LRCH1: variants seen among roughly 807,000 people sequenced by gnomAD.
LRCH1 encodes leucine-rich repeat and calponin homology domain-containing protein 1.
A neutral mutation model predicts 94.9 loss-of-function variants in LRCH1; 23 were observed. The observed-to-expected ratio is 0.24, with a 90% CI of 0.17 to 0.34. The LOEUF is 0.34. Ranked by LOEUF, LRCH1 falls within the 10% of genes least tolerant of loss-of-function variation. The pLI is 1.00. For missense variants in LRCH1, 790 were observed against 945.9 expected, an observed-to-expected ratio of 0.84 and a Z score of 2.16; for synonymous variants, 364 against 354.9, an observed-to-expected ratio of 1.03 and a Z score of -0.29.
chr13:46,689,541 C>A (rs842373), intron 7 of LRCH1, among the ~76,000 whole-genome samples: 112,925 of 152,064 alleles, frequency 0.74, 42,066 homozygotes, highest in East Asian at 0.85. Context: ...CACTTTTATA[C>A]ATACGCTTAT....
Position 46,553,379 on chromosome 13 carries a change from G to A in LRCH1, c.-18G>A, listed in dbSNP as rs777113262. 114 of 1,514,202 alleles carry A rather than the reference G, an allele frequency of 7.5e-5. No homozygotes were observed. Among genetic ancestry groups the A allele is most frequent in the Non-Finnish European group, 9.7e-5 (110 of 1,133,524 alleles). The allele number at this position is 1,514,202 out of a possible 1,614,324, so 93.8% of individuals were successfully genotyped here. A position where few individuals can be genotyped will look rare whatever the true frequency, so the allele number is the denominator to read the frequency against. Reference sequence around the variant, plus strand: ...CCCCGCAGGAGCGGCGGGGCGGGGTGGGGGGGCCCGGGAGAAGATGGCGAC... The same window carrying A: ...CCCCGCAGGAGCGGCGGGGCGGGGTAGGGGGGCCCGGGAGAAGATGGCGAC... On this transcript the variant is annotated 5_prime_UTR_variant, in exon 1 of 20. Transcript: ENST00000389797.
intron 6 of LRCH1, among the ~76,000 whole-genome samples, chr13:46,688,630 T>C (rs1870741289): frequency 1.3e-5 from 2 of 152,220 alleles, no homozygotes; most frequent in Admixed American, 1.3e-4. Flanking sequence ...TTTTGCTACA[T>C]AAGTAAATTT....
At chr13:46,604,710 G>A (rs1261947261) in intron 1 of LRCH1, among the ~76,000 whole-genome samples, 1 of 152,058 alleles carries the variant, frequency 6.6e-6, no homozygotes, top group Admixed American at 6.5e-5. Flanking sequence ...AAATGTGACA[G>A]GTATTTATGA....
intron 1 of LRCH1, among the ~76,000 whole-genome samples, chr13:46,560,788 A>C (rs577289163): frequency 6.6e-6 from 1 of 152,256 alleles, no homozygotes; most frequent in Admixed American, 6.5e-5. Flanking sequence ...AGGCATTCTA[A>C]TATAGACTCA....
intron 1 of LRCH1, among the ~76,000 whole-genome samples, chr13:46,564,279 G>A (rs1368323297): frequency 6.6e-6 from 1 of 152,284 alleles, no homozygotes; most frequent in South Asian, 2.1e-4. Flanking sequence ...TAAAAACAAG[G>A]TGGTAACCTG....
chr13:46,666,635 A>C (rs191188938), intron 2 of LRCH1, among the ~76,000 whole-genome samples: 7 of 152,386 alleles, frequency 4.6e-5, no homozygotes, highest in Non-Finnish European at 8.8e-5. Context: ...GTATGGCTCC[A>C]AATAAATAGA....
At chr13:46,596,728 A>G (rs897170066) in intron 1 of LRCH1, among the ~76,000 whole-genome samples, 9 of 152,218 alleles carry the variant, frequency 5.9e-5, no homozygotes, top group Admixed American at 3.3e-4. Flanking sequence ...GTAGAGGAAC[A>G]GCTTGCGATT....
intron 1 of LRCH1, among the ~76,000 whole-genome samples, chr13:46,624,783 CTG>C (rs2050924880): frequency 6.6e-6 from 1 of 152,210 alleles, no homozygotes; most frequent in African/African-American, 2.4e-5. Flanking sequence ...GAGAAAATCT[CTG>C]TATTGTGAGC....
exon 19 of LRCH1, chr13:46,750,827 C>T (rs890896606): frequency 5.6e-5 from 27 of 485,134 alleles, no homozygotes; most frequent in African/African-American, 2.0e-4. Context: ...AGCTGACCTC[C>T]GACTTTAAGA....
intron 18 of LRCH1, 51 bp downstream of exon 18, chr13:46,729,035 G>T (rs750284286): frequency 9.7e-6 from 15 of 1,549,516 alleles, no homozygotes; most frequent in South Asian, 2.5e-5. Flanking sequence ...CCTTTAGGGG[G>T]CACTGTTGTT....
chr13:46,635,239 C>A (rs747781831), intron 1 of LRCH1, among the ~76,000 whole-genome samples: 1 of 152,226 alleles, frequency 6.6e-6, no homozygotes, highest in Admixed American at 6.5e-5. Flanking sequence ...TTCCCGCAGT[C>A]TGTTCACTGC....
At chr13:46,593,979 C>A (rs1485392180) in intron 1 of LRCH1, among the ~76,000 whole-genome samples, 1 of 152,044 alleles carries the variant, frequency 6.6e-6, no homozygotes, top group African/African-American at 2.4e-5. Context: ...AGGTCTATAG[C>A]CACTGTTGAA....
Position 46,669,139 on chromosome 13 carries a change from A to G in LRCH1, c.562A>G (p.Lys188Glu). ...ATTACCAGAAGAGATAGGTCAGCTC[A>G]AACAGTTAATGGAGCTGGTATGTTA... ...GSLPEEIGQL[K>E]QLMELDVSCN... The change falls in exon 3 of 20, where the codon AAA becomes GAA. Residue 188 changes from lysine (K) to glutamate (E), a missense_variant. This residue lies in a region of LRCH1 where 194 missense variants were observed against 293.5 expected (regional missense o/e 0.66). Coordinates refer to ENST00000389797, the MANE Select transcript of LRCH1 (RefSeq NM_001164211.2). 6.2e-7 allele frequency: 1 copy of G among 1,614,130 alleles called. No homozygotes were observed. The highest frequency in any genetic ancestry group is 8.5e-7 in the Non-Finnish European group (1 of 1,179,984).
At chr13:46,715,874 A>G (rs1446465836) in intron 16 of LRCH1, among the ~76,000 whole-genome samples, 1 of 152,048 alleles carries the variant, frequency 6.6e-6, no homozygotes, top group African/African-American at 2.4e-5. Flanking sequence ...TAACTTGACT[A>G]TTCTGGATTT....
chr13:46,681,966 G>GTGTGTGTGTGTGTGTGTT, intron 4 of LRCH1, 120 bp downstream of exon 4: 1 of 638,840 alleles, frequency 1.6e-6, no homozygotes, highest in South Asian at 1.9e-5. Context: ...GTGTGTGTGT[G>GTGTGTGTGTGTGTGTGTT]CCTACTACTT....
intron 7 of LRCH1, 98 bp downstream of exon 7, chr13:46,689,294 T>C (rs1394454236): frequency 2.4e-6 from 2 of 826,022 alleles, no homozygotes; most frequent in Non-Finnish European, 3.9e-6. Flanking sequence ...GATTCATTTG[T>C]ATATTCATGT....
rs771682743 is a variant in LRCH1 at position 46,692,645 on chromosome 13, T to C, written c.1120+4T>C. On this transcript the variant is annotated splice_donor_region_variant and intron_variant, in intron 8 of 19. Coordinates refer to ENST00000389797, the MANE Select transcript of LRCH1 (RefSeq NM_001164211.2). ...CATCGCCTTAGCCCCGTTAAAGGTC[T>C]GAGAATAAAAATGTGGAGAAAGTGC... 1 of 1,609,694 alleles carries C rather than the reference T, an allele frequency of 6.2e-7. No individual in the cohort carries two copies. The highest frequency in any genetic ancestry group is 8.5e-7 in the Non-Finnish European group (1 of 1,176,494).
chr13:46,656,688 T>C (rs763300064), intron 2 of LRCH1, among the ~76,000 whole-genome samples: 3 of 152,258 alleles, frequency 2.0e-5, no homozygotes, highest in Non-Finnish European at 4.4e-5. Flanking sequence ...GCCAACCATG[T>C]GGAGTTTACG....
At position 46,666,068 on chromosome 13, in the gene LRCH1, G is replaced by C. The variant is rs140004757; in HGVS notation, c.453-2962G>C. ...ATGAAGTAGAGGCTGAGGGAGCAGA[G>C]AGATGAAGTCGAAGAAATGTGCCCC... On this transcript the variant is annotated intron_variant, in intron 2 of 19. Coordinates refer to ENST00000389797, the MANE Select transcript of LRCH1 (RefSeq NM_001164211.2). Among the ~76,000 whole-genome samples the C allele has an allele frequency of 4.0e-3, 608 of 152,318 alleles. 4 individuals are homozygous for C. The highest frequency in any genetic ancestry group is 0.014 in the African/African-American group (573 of 41,562).
Sources: gnomAD v4.1 joint callset for allele counts (sites outside exome capture counted in the v4.1 genomes callset) on GRCh38, gnomAD v4.1.1 for gene constraint, gnomAD v4.1.1 regional missense constraint, MANE v1.5 for transcripts, NCBI Gene and HGNC (gene_info 2026-07-23, HGNC 2026-07-21) for gene names.